Variants in CCM2 observed in about 807,000 individuals in gnomAD.
CCM2 encodes the protein CCM2 scaffold protein, also known as cerebral cavernous malformations 2 protein.
A neutral mutation model predicts 44.9 loss-of-function variants in CCM2; 25 were observed. The ratio of observed to expected loss-of-function variants is 0.56; its 90% CI spans 0.41 to 0.78. CCM2 has a LOEUF of 0.78. CCM2 is among the 30% of genes least tolerant of loss of function. The probability of loss-of-function intolerance (pLI) is 0.00; values close to 1 mark genes in which losing one functional copy is unlikely to be tolerated. For synonymous variants in CCM2, 219 were observed against 241.1 expected, an observed-to-expected ratio of 0.91 and a Z score of 0.85; for missense variants, 481 against 580.6, an observed-to-expected ratio of 0.83 and a Z score of 1.76.
intron 1 of CCM2, among the ~76,000 whole-genome samples, chr7:45,001,761 GGA>G (rs144739122): frequency 6.6e-6 from 1 of 151,846 alleles, no homozygotes; most frequent in South Asian, 2.1e-4. Context: ...CAGCAAATAG[GGA>G]GAGAGAGAGA....
At chr7:45,060,814 AT>A (rs1798484351) in intron 2 of CCM2, among the ~76,000 whole-genome samples, 1 of 152,176 alleles carries the variant, frequency 6.6e-6, no homozygotes, top group Non-Finnish European at 1.5e-5. Flanking sequence ...ATCTCTGCTT[AT>A]GCTGCCTATC....
At chr7:45,038,519 C>G (rs970966539) in intron 2 of CCM2, 93 bp downstream of exon 2, 112 of 1,249,060 alleles carry the variant, frequency 9.0e-5, no homozygotes, top group Non-Finnish European at 1.3e-4. Flanking sequence ...TAAGACACAG[C>G]CACACAAACA....
intron 1 of CCM2, among the ~76,000 whole-genome samples, chr7:45,007,845 A>G (rs1388988083): frequency 6.6e-6 from 1 of 152,086 alleles, no homozygotes; most frequent in Non-Finnish European, 1.5e-5. Context: ...ACCATTTCAC[A>G]TGTTGTTTTT....
chr7:45,012,581 A>G (rs1796109425), intron 1 of CCM2, among the ~76,000 whole-genome samples: 1 of 152,102 alleles, frequency 6.6e-6, no homozygotes, highest in African/African-American at 2.4e-5. Context: ...ACTGCCGAAG[A>G]GTCTCGCTCT....
chr7:45,005,504 T>A (rs2128711113), intron 1 of CCM2, among the ~76,000 whole-genome samples: 1 of 152,016 alleles, frequency 6.6e-6, no homozygotes, highest in African/African-American at 2.4e-5. Flanking sequence ...TTACTCTTGA[T>A]CTTCCAGTTT....
chr7:45,020,413 T>C (rs1173166926), intron 1 of CCM2, among the ~76,000 whole-genome samples: 1 of 152,182 alleles, frequency 6.6e-6, no homozygotes, highest in Non-Finnish European at 1.5e-5. Context: ...TATAGATATA[T>C]AGTTTCTTTA....
chr7:45,059,112 C>T (rs182210379), intron 2 of CCM2, among the ~76,000 whole-genome samples: 1 of 152,020 alleles, frequency 6.6e-6, no homozygotes, highest in Non-Finnish European at 1.5e-5. Flanking sequence ...AACTCCTGAC[C>T]TCAGGTGATC....
At chr7:45,041,845 A>G (rs887492405) in intron 2 of CCM2, among the ~76,000 whole-genome samples, 9 of 152,172 alleles carry the variant, frequency 5.9e-5, no homozygotes, top group African/African-American at 1.4e-4. Flanking sequence ...AGGCCCTCCT[A>G]TTCCTTCCAA....
chr7:45,059,203 T>A (rs1037260560), intron 2 of CCM2, among the ~76,000 whole-genome samples: 1 of 152,104 alleles, frequency 6.6e-6, no homozygotes, highest in Admixed American at 6.6e-5. Flanking sequence ...GAACATTGAA[T>A]TAGCCTTGCA....
chr7:45,075,456 A>G (rs1020242595), intron 9 of CCM2, among the ~76,000 whole-genome samples: 5 of 152,148 alleles, frequency 3.3e-5, no homozygotes, highest in Non-Finnish European at 7.4e-5. Context: ...CTTTGTGAGG[A>G]CTAATAGAGA....
At position 45,007,791 on chromosome 7, in the gene CCM2, G is replaced by T. The variant is rs180999168; in HGVS notation, c.30+7428G>T. The stretch of plus-strand genomic sequence containing the variant: ...GAAGACTGGTCAGCCTAAACCCGTG[G>T]TGTCACTGTTCTTAAGGGAAACCTA... On this transcript the variant is annotated intron_variant, in intron 1 of 9. Transcript: ENST00000258781. Among the ~76,000 whole-genome samples, 1,113 of 152,130 alleles carry T rather than the reference G, an allele frequency of 7.3e-3. 6 individuals carry two copies. Among genetic ancestry groups the T allele is most frequent in the Admixed American group, 0.011 (172 of 15,286 alleles).
At position 45,027,637 on chromosome 7, in the gene CCM2, C is replaced by T; in HGVS notation, c.31-10616C>T. ...GTGGTTTCTGGTCTTCCTGTTCAGT[C>T]ATGTTTTTTTCAGAGGGAGGGCTAA... On this transcript the variant is annotated intron_variant, in intron 1 of 9. Coordinates refer to ENST00000258781, the MANE Select transcript of CCM2 (RefSeq NM_031443.4). The T allele has an allele frequency of 3.1e-6, 5 of 1,613,410 alleles. No individual in the cohort carries two copies. In the South Asian group the frequency reaches 5.5e-5, roughly 18 times the overall value.
chr7:45,007,316 C>T (rs1795885297), intron 1 of CCM2, among the ~76,000 whole-genome samples: 1 of 152,184 alleles, frequency 6.6e-6, no homozygotes, highest in African/African-American at 2.4e-5. Flanking sequence ...CAGCCATGTC[C>T]TCTGCATGCA....
At chr7:45,019,282 T>TGGTCTTGAACTC (rs752243583) in intron 1 of CCM2, among the ~76,000 whole-genome samples, 2 of 151,944 alleles carry the variant, frequency 1.3e-5, no homozygotes, top group South Asian at 4.2e-4. Context: ...AGTATGTTGC[T>TGGTCTTGAACTC]CAGGCTGGTC....
intron 2 of CCM2, among the ~76,000 whole-genome samples, chr7:45,061,666 G>A (rs1374160224): frequency 6.6e-6 from 1 of 151,960 alleles, no homozygotes; most frequent in Non-Finnish European, 1.5e-5. Context: ...TGTTCTTGTT[G>A]TAGAGATAGG....
intron 1 of CCM2, among the ~76,000 whole-genome samples, chr7:45,035,890 A>T (rs1268132121): frequency 6.6e-6 from 1 of 152,196 alleles, no homozygotes; most frequent in African/African-American, 2.4e-5. Flanking sequence ...TTGTCAAGGT[A>T]AATACAGTCA....
intron 1 of CCM2, among the ~76,000 whole-genome samples, chr7:45,034,512 CTTTTTTTTTTT>C (rs35845924): frequency 1.5e-5 from 1 of 65,222 alleles, no homozygotes; most frequent in Non-Finnish European, 2.6e-5. Context: ...CATGCCTGGC[CTTTTTTTTTTT>C]TTTTTTTTTT....
chr7:45,023,762 T>G (rs1796573841), intron 1 of CCM2, among the ~76,000 whole-genome samples: 1 of 145,874 alleles, frequency 6.9e-6, no homozygotes, highest in Non-Finnish European at 1.5e-5. Flanking sequence ...CTTTGTTTAG[T>G]CATTATTTTG....
intron 1 of CCM2, among the ~76,000 whole-genome samples, chr7:45,020,667 A>T (rs1241085955): frequency 6.6e-6 from 1 of 152,182 alleles, no homozygotes; most frequent in African/African-American, 2.4e-5. Flanking sequence ...ACCAAGGTTT[A>T]TTCTTTTTTT....
Sources: gnomAD v4.1 joint callset for allele counts (sites outside exome capture counted in the v4.1 genomes callset) on GRCh38, gnomAD v4.1.1 for gene constraint, MANE v1.5 for transcripts, NCBI Gene and HGNC (gene_info 2026-07-23, HGNC 2026-07-21) for gene names.